Variants in CNIH3 observed in about 807,000 individuals in gnomAD.
CNIH3 encodes the protein cornichon family AMPA receptor auxiliary protein 3, also known as protein cornichon homolog 3.
A neutral mutation model predicts 24.1 loss-of-function variants in CNIH3; 14 were observed. The observed-to-expected ratio is 0.58, with a 90% CI of 0.38 to 0.91. The LOEUF (loss-of-function observed/expected upper bound fraction) is 0.91, where lower values mean the gene tolerates loss of function less well. Among genes scored for constraint, CNIH3 ranks in the 40% least tolerant of loss-of-function variants. CNIH3 has a pLI of 0.00. For missense variants in CNIH3, 178 were observed against 196.8 expected, an observed-to-expected ratio of 0.90 and a Z score of 0.57; for synonymous variants, 68 against 73.8, an observed-to-expected ratio of 0.92 and a Z score of 0.40.
intron 5 of CNIH3, among the ~76,000 whole-genome samples, chr1:224,738,417 G>C (rs1273660938): frequency 2.0e-5 from 3 of 152,190 alleles, no homozygotes; most frequent in African/African-American, 4.8e-5. Flanking sequence ...GGTCTGACCA[G>C]TGGTTCTCTG....
chr1:224,538,968 C>T (rs888889451), downstream of CNIH3, among the ~76,000 whole-genome samples: 5 of 151,844 alleles, frequency 3.3e-5, no homozygotes, highest in Non-Finnish European at 7.4e-5. Flanking sequence ...TATGCCCAGC[C>T]TCTACTTACT....
intron 3 of CNIH3, among the ~76,000 whole-genome samples, chr1:224,707,012 G>A (rs1186182183): frequency 7.7e-6 from 1 of 130,506 alleles, no homozygotes; most frequent in Non-Finnish European, 1.6e-5. Flanking sequence ...CACCCAGTCT[G>A]GAGTGCAGTG....
At chr1:224,533,332 A>G (rs933384330) in intron 2 of CNIH3, among the ~76,000 whole-genome samples, 77 of 150,614 alleles carry the variant, frequency 5.1e-4, no homozygotes, top group African/African-American at 1.9e-3. Flanking sequence ...TGGGAGGATC[A>G]CTTGAGCCTA....
intron 2 of CNIH3, among the ~76,000 whole-genome samples, chr1:224,533,449 G>A (rs1679160684): frequency 6.6e-6 from 1 of 151,400 alleles, no homozygotes; most frequent in Non-Finnish European, 1.5e-5. Context: ...TCTATCTGCT[G>A]TATCACTTTT....
At chr1:224,672,917 C>T (rs1375636602) in intron 1 of CNIH3, among the ~76,000 whole-genome samples, 4 of 152,222 alleles carry the variant, frequency 2.6e-5, no homozygotes, top group Admixed American at 2.6e-4. Context: ...CATGTGCCCA[C>T]TCATTAGAAA....
intron 2 of CNIH3, among the ~76,000 whole-genome samples, chr1:224,543,855 T>C (rs1393772948): frequency 6.6e-6 from 1 of 152,132 alleles, no homozygotes; most frequent in Non-Finnish European, 1.5e-5. Flanking sequence ...TTCTTCCAGA[T>C]CTTTGTGTGG....
intron 4 of CNIH3, among the ~76,000 whole-genome samples, chr1:224,566,578 C>T (rs993898148): frequency 6.6e-6 from 1 of 152,076 alleles, no homozygotes; most frequent in Non-Finnish European, 1.5e-5. Context: ...TGTCTATGCT[C>T]TTCTTCCTCA....
chr1:224,647,962 G>A (rs1044820563), intron 1 of CNIH3, among the ~76,000 whole-genome samples: 1 of 152,218 alleles, frequency 6.6e-6, no homozygotes, highest in Non-Finnish European at 1.5e-5. Flanking sequence ...ACGGGAACGG[G>A]CAGGAATTTT....
At chr1:224,697,974 A>G (rs1687263943) in intron 3 of CNIH3, among the ~76,000 whole-genome samples, 1 of 152,204 alleles carries the variant, frequency 6.6e-6, no homozygotes, top group Non-Finnish European at 1.5e-5. Flanking sequence ...CATGCTCCAG[A>G]CATATCTTCT....
At chr1:224,554,300 C>T (rs1246720728) in intron 3 of CNIH3, among the ~76,000 whole-genome samples, 2 of 152,052 alleles carry the variant, frequency 1.3e-5, no homozygotes, top group African/African-American at 2.4e-5. Flanking sequence ...ACAGTAAGGC[C>T]GTGGGGTGGG....
intron 1 of CNIH3, among the ~76,000 whole-genome samples, chr1:224,636,815 A>G (rs1318414935): frequency 2.0e-5 from 3 of 152,198 alleles, no homozygotes; most frequent in Admixed American, 2.0e-4. Context: ...CAATCTCCAT[A>G]TTTAAGATAT....
intron 1 of CNIH3, among the ~76,000 whole-genome samples, chr1:224,624,890 C>T (rs754461945): frequency 2.3e-4 from 35 of 152,220 alleles, no homozygotes; most frequent in Non-Finnish European, 4.6e-4. Flanking sequence ...TGTTCTGTCT[C>T]CCTGGAATGC....
chr1:224,642,974 A>G (rs1244276108), intron 1 of CNIH3, among the ~76,000 whole-genome samples: 1 of 152,180 alleles, frequency 6.6e-6, no homozygotes, highest in African/African-American at 2.4e-5. Context: ...CTGAACATGC[A>G]GGCCAAGGTG....
chr1:224,644,619 A>G (rs1000728716), intron 1 of CNIH3, among the ~76,000 whole-genome samples: 2 of 152,202 alleles, frequency 1.3e-5, no homozygotes, highest in Non-Finnish European at 1.5e-5. Context: ...GTTTTCATCC[A>G]TTCTTAAATT....
chr1:224,618,603 T>C (rs1683142845), intron 1 of CNIH3, among the ~76,000 whole-genome samples: 1 of 152,224 alleles, frequency 6.6e-6, no homozygotes, highest in Non-Finnish European at 1.5e-5. Flanking sequence ...TCCGATCATG[T>C]AACCTTAGGA....
chr1:224,690,295 G>A (rs745683557), intron 3 of CNIH3, among the ~76,000 whole-genome samples: 5 of 152,156 alleles, frequency 3.3e-5, no homozygotes, highest in African/African-American at 1.2e-4. Flanking sequence ...CTGCCTCCCA[G>A]GTTCAAGTGA....
downstream of CNIH3, among the ~76,000 whole-genome samples, chr1:224,593,248 C>T (rs1231855457): frequency 6.6e-6 from 1 of 151,784 alleles, no homozygotes; most frequent in Non-Finnish European, 1.5e-5. Flanking sequence ...CTCCATCTCC[C>T]AGGCTCAAGC....
In CNIH3 at chr1:224,618,420, A is replaced by C. The variant is rs139071436; in HGVS notation, c.81+1165A>C. The stretch of plus-strand genomic sequence containing the variant: ...CATCACAGACTCTCATACAGTGGGG[A>C]TGACCCAAAATGAAGACGTGGAGAA... On this transcript the variant is annotated intron_variant, in intron 1 of 5. Transcript: ENST00000272133. 8.2e-3 allele frequency among the ~76,000 whole-genome samples: 1,249 copies of C among 152,322 alleles called. 24 individuals are homozygous for C. The highest frequency in any genetic ancestry group is 0.028 in the African/African-American group (1,178 of 41,566).
At chr1:224,526,536 AG>A (rs1456340126) in intron 2 of CNIH3, among the ~76,000 whole-genome samples, 1 of 152,110 alleles carries the variant, frequency 6.6e-6, no homozygotes, top group Non-Finnish European at 1.5e-5. Context: ...TGCGGGTGGG[AG>A]AGCAGATTCA....
Sources: gnomAD v4.1 joint callset for allele counts (sites outside exome capture counted in the v4.1 genomes callset) on GRCh38, gnomAD v4.1.1 for gene constraint, MANE v1.5 for transcripts, NCBI Gene and HGNC (gene_info 2026-07-23, HGNC 2026-07-21) for gene names.